GUCY2F: variants seen among roughly 807,000 people sequenced by gnomAD.
The protein encoded by GUCY2F is guanylate cyclase 2F, retinal, also known as retinal guanylyl cyclase 2.
A neutral mutation model predicts 73.1 loss-of-function variants in GUCY2F; 61 were observed. The observed-to-expected ratio is 0.83, with a 90% confidence interval of 0.68 to 1.03. The LOEUF (loss-of-function observed/expected upper bound fraction) is 1.03, where lower values mean the gene tolerates loss of function less well. Among genes scored for constraint, GUCY2F ranks in the 50% least tolerant of loss-of-function variants. GUCY2F has a pLI of 0.00. For synonymous variants in GUCY2F, 331 were observed against 307.8 expected (o/e 1.08, Z -0.79); for missense variants, 912 against 854.3 (o/e 1.07, Z -0.84).
Position 109,430,373 on chromosome X carries a change from CT to C in GUCY2F, c.1724del (p.Lys575SerfsTer23). The C allele has an allele frequency of 9.0e-7, 1 of 1,116,208 alleles. No individual in the cohort carries two copies. Among genetic ancestry groups the C allele is most frequent in the Non-Finnish European group, 1.2e-6 (1 of 808,366 alleles). 92.0% of individuals were successfully genotyped at this position (1,116,208 alleles called of 1,213,427 possible). A position where few individuals can be genotyped will look rare whatever the true frequency, so the allele number is the denominator to read the frequency against. On this transcript the variant is annotated frameshift_variant, in exon 8 of 20. Transcript: ENST00000218006. LOFTEE classifies it high-confidence loss of function. ...IYEGDWVWLKKFSLGDFGDLK... is the reference protein window; with the variant it reads ...IYEGDWVWLKXFSLGDFGDLK... ...GGTCTCCAAAATCTCCAAGGGAGAA[CT>C]TTTTCAGCCACACCCAATCACCCTA...
At chrX:109,464,834 A>G (rs1932431870) in intron 3 of GUCY2F, among the ~76,000 whole-genome samples, 1 of 112,706 alleles carries the variant, frequency 8.9e-6, no homozygotes, top group Non-Finnish European at 1.9e-5. Flanking sequence ...AACAGGACTT[A>G]TTTTTATTAG....
In GUCY2F at chrX:109,453,314, G is replaced by A. The variant is rs780541271; in HGVS notation, c.1387+191C>T. On this transcript the variant is annotated intron_variant, in intron 4 of 19. Coordinates refer to ENST00000218006, the MANE Select transcript of GUCY2F (RefSeq NM_001522.3). ...TTTTAAATTGTGGATGGTTATTCAA[G>A]GCTGCAAAGTACCTCTCATTGTTCT... Among the ~76,000 whole-genome samples, 5 of 111,513 alleles carry A rather than the reference G, an allele frequency of 4.5e-5. No individual in the cohort carries two copies. The South Asian group carries it at 1.5e-3, about 34-fold the overall frequency.
At chrX:109,444,671 T>C (rs1931957614) in intron 6 of GUCY2F, among the ~76,000 whole-genome samples, 1 of 111,519 alleles carries the variant, frequency 9.0e-6, no homozygotes, top group South Asian at 3.8e-4. Context: ...AGACAGGTAA[T>C]ATAAAGACGT....
intron 7 of GUCY2F, among the ~76,000 whole-genome samples, chrX:109,440,670 AC>A (rs1338473668): frequency 2.7e-5 from 3 of 111,212 alleles, no homozygotes; most frequent in Admixed American, 9.6e-5. Context: ...TTTCCCTTTT[AC>A]CCCCTGCTTA....
chrX:109,379,375 T>G (rs1930248395), intron 17 of GUCY2F, among the ~76,000 whole-genome samples: 1 of 98,082 alleles, frequency 1.0e-5, no homozygotes, highest in Admixed American at 1.3e-4. Flanking sequence ...ATTTCAAATG[T>G]TCTCACCACA....
At chrX:109,402,905 T>C (rs1485729507) in intron 10 of GUCY2F, among the ~76,000 whole-genome samples, 1 of 112,060 alleles carries the variant, frequency 8.9e-6, no homozygotes, top group Non-Finnish European at 1.9e-5. Flanking sequence ...ACTCTCTGTC[T>C]ATGCATGTGT....
intron 8 of GUCY2F, among the ~76,000 whole-genome samples, chrX:109,427,536 A>T (rs934996829): frequency 1.8e-5 from 2 of 111,991 alleles, no homozygotes; most frequent in African/African-American, 6.5e-5. Flanking sequence ...GCTCCTTTCT[A>T]TATCTGGCTC....
intron 3 of GUCY2F, among the ~76,000 whole-genome samples, chrX:109,462,545 G>T (rs1237216477): frequency 1.8e-5 from 2 of 111,824 alleles, no homozygotes; most frequent in Admixed American, 9.4e-5. Flanking sequence ...AAAGCAGAGT[G>T]CAGGCTGCCT....
chrX:109,385,963 C>A (rs1424079408), intron 15 of GUCY2F, among the ~76,000 whole-genome samples: 1 of 110,891 alleles, frequency 9.0e-6, no homozygotes, highest in Non-Finnish European at 1.9e-5. Context: ...GGTTTCTGCT[C>A]TGATTTTGTT....
At chrX:109,479,713 A>T (rs753247749) in intron 1 of GUCY2F, among the ~76,000 whole-genome samples, 89 of 111,590 alleles carry the variant, frequency 8.0e-4, no homozygotes, top group African/African-American at 2.8e-3. Flanking sequence ...ATCATTTTTA[A>T]TTTTGGCCTG....
intron 8 of GUCY2F, among the ~76,000 whole-genome samples, chrX:109,429,084 C>T (rs1034515965): frequency 2.7e-5 from 3 of 111,891 alleles, no homozygotes; most frequent in African/African-American, 9.8e-5. Flanking sequence ...ATTATCTTGC[C>T]TTCATCTCCA....
chrX:109,419,498 T>C (rs971359297), intron 8 of GUCY2F, among the ~76,000 whole-genome samples: 1 of 110,427 alleles, frequency 9.1e-6, no homozygotes, highest in Admixed American at 9.6e-5. Flanking sequence ...CTCTTTATGA[T>C]TAAAAGAATC....
intron 17 of GUCY2F, among the ~76,000 whole-genome samples, chrX:109,378,572 CA>C (rs1930230577): frequency 9.0e-6 from 1 of 111,552 alleles, no homozygotes; most frequent in African/African-American, 3.3e-5. Context: ...TCTGTCAGTA[CA>C]ATCTCACTAT....
At chrX:109,417,592 A>T (rs1285181365) in intron 8 of GUCY2F, among the ~76,000 whole-genome samples, 1 of 111,522 alleles carries the variant, frequency 9.0e-6, no homozygotes, top group Non-Finnish European at 1.9e-5. Flanking sequence ...AGAGACATAG[A>T]TGAGTCAAAT....
At chrX:109,431,393 AT>A (rs2147268851) in intron 7 of GUCY2F, among the ~76,000 whole-genome samples, 1 of 111,657 alleles carries the variant, frequency 9.0e-6, no homozygotes, top group Admixed American at 9.5e-5. Context: ...GTGCAGTCAA[AT>A]TCCAAAAATA....
intron 1 of GUCY2F, among the ~76,000 whole-genome samples, chrX:109,478,062 G>A (rs1294817700): frequency 8.9e-6 from 1 of 111,939 alleles, no homozygotes; most frequent in Non-Finnish European, 1.9e-5. Context: ...ATGATTCTGA[G>A]CTGATTATAT....
intron 8 of GUCY2F, among the ~76,000 whole-genome samples, chrX:109,419,374 G>T (rs1304755713): frequency 9.0e-6 from 1 of 110,613 alleles, no homozygotes; most frequent in East Asian, 2.8e-4. Context: ...TCATCCCGGG[G>T]ATATTAGGAT....
chrX:109,449,169 C>T (rs1166877746), intron 5 of GUCY2F, among the ~76,000 whole-genome samples: 1 of 111,920 alleles, frequency 8.9e-6, no homozygotes, highest in Non-Finnish European at 1.9e-5. Context: ...GAGAAAACAA[C>T]CACTGAATCA....
intron 1 of GUCY2F, 30 bp from the exon 2 acceptor site, chrX:109,476,051 C>A: frequency 5.3e-6 from 3 of 570,329 alleles, no homozygotes; most frequent in South Asian, 5.7e-5. Flanking sequence ...GTTTGTTACT[C>A]ACATTATTTC....
Sources: allele counts gnomAD v4.1 joint callset (sites outside exome capture counted in the v4.1 genomes callset), GRCh38; gene constraint gnomAD v4.1.1; transcripts MANE v1.5; gene names NCBI Gene and HGNC (gene_info 2026-07-23, HGNC 2026-07-21).